Variants in ARID4A observed in about 807,000 individuals in gnomAD.
The protein encoded by ARID4A is AT-rich interactive domain-containing protein 4A.
Under a neutral mutation model 148.6 loss-of-function variants are expected in ARID4A, and 39 were observed. The observed-to-expected ratio is 0.26, with a 90% CI of 0.20 to 0.34. The LOEUF is 0.34. ARID4A is among the 10% of genes least tolerant of loss of function. The pLI, the probability that ARID4A is intolerant of heterozygous loss-of-function variation, is 1.00. For synonymous variants in ARID4A, 475 were observed against 481.2 expected, an observed-to-expected ratio of 0.99 and a Z score of 0.17; for missense variants, 1,265 against 1,449.1, an observed-to-expected ratio of 0.87 and a Z score of 2.06.
In ARID4A at chr14:58,349,367, C is replaced by T. The variant is rs958707105; in HGVS notation, c.1404+1489C>T. 5.9e-5 allele frequency among the ~76,000 whole-genome samples: 9 copies of T among 152,072 alleles called. No homozygotes were observed. The South Asian group carries it at 1.9e-3, about 32-fold the overall frequency. ...TTTTTTACTATTTTAAAAAGTGCTG[C>T]CGGGCGCGGTGGCTCATGCCTGTAA... On this transcript the variant is annotated intron_variant, in intron 15 of 23. Transcript: ENST00000355431.
chr14:58,334,589 C>T (rs1272400058), intron 11 of ARID4A, among the ~76,000 whole-genome samples: 1 of 152,150 alleles, frequency 6.6e-6, no homozygotes, highest in African/African-American at 2.4e-5. Context: ...AACCAATAAT[C>T]CTATACCCAC....
intron 23 of ARID4A, among the ~76,000 whole-genome samples, chr14:58,369,614 CAAAA>C (rs34289804): frequency 9.4e-6 from 1 of 106,928 alleles, no homozygotes; most frequent in Non-Finnish European, 1.8e-5. Flanking sequence ...GAGTCTGTCT[CAAAA>C]AAAAAAAAAA....
intron 7 of ARID4A, among the ~76,000 whole-genome samples, chr14:58,322,972 AAAAAAAAAAT>A (rs1255122978): frequency 3.5e-5 from 5 of 143,316 alleles, no homozygotes; most frequent in Non-Finnish European, 7.6e-5. Context: ...CCAAAAAAAA[AAAAAAAAAAT>A]ATATATATAT....
intron 23 of ARID4A, among the ~76,000 whole-genome samples, chr14:58,370,390 G>A (rs1454694421): frequency 1.3e-5 from 2 of 152,066 alleles, no homozygotes; most frequent in Non-Finnish European, 2.9e-5. Flanking sequence ...TCCGCCTCCC[G>A]GGTTCAAGCC....
Position 58,365,011 on chromosome 14 carries a change from C to T in ARID4A, c.2922C>T (p.Ser974=). ...ATTTGGATGAAAAGGATAAGACCAG[C>T]ATTGAGGATGTAGCAGTTGAAAGCT... The part of the protein sequence containing the change: ...LDDLDEKDKT[S]IEDVAVESSE... The change falls in exon 20 of 24, where the codon AGC becomes AGT. Residue 974 remains serine, a synonymous_variant. Transcript: ENST00000355431. The T allele has an allele frequency of 6.2e-7, 1 of 1,614,122 alleles. No individual in the cohort carries two copies. The highest frequency in any genetic ancestry group is 8.5e-7 in the Non-Finnish European group (1 of 1,180,008).
intron 1 of ARID4A, among the ~76,000 whole-genome samples, chr14:58,299,172 C>T (rs1459886340): frequency 2.0e-5 from 3 of 152,158 alleles, no homozygotes; most frequent in Non-Finnish European, 4.4e-5. Flanking sequence ...CCTGTCCGGG[C>T]CACCTCCCCT....
chr14:58,331,986 A>G (rs976260999), intron 11 of ARID4A, among the ~76,000 whole-genome samples: 4 of 113,904 alleles, frequency 3.5e-5, no homozygotes, highest in African/African-American at 1.3e-4. Flanking sequence ...TCCAGAATGC[A>G]TTTTCCCTAC....
At chr14:58,355,425 T>C (rs2034827582) in intron 17 of ARID4A, among the ~76,000 whole-genome samples, 1 of 152,226 alleles carries the variant, frequency 6.6e-6, no homozygotes, top group Non-Finnish European at 1.5e-5. Context: ...CAATAAAGTT[T>C]AATGTATAAA....
intron 8 of ARID4A, 81 bp from the exon 9 acceptor site, chr14:58,328,156 A>G (rs1768389734): frequency 1.9e-5 from 18 of 968,214 alleles, no homozygotes; most frequent in Middle Eastern, 2.3e-4. Flanking sequence ...AAGTTAGGGG[A>G]TCCAGAATTG....
intron 14 of ARID4A, 128 bp from the exon 15 acceptor site, chr14:58,347,519 C>A: frequency 3.0e-6 from 2 of 656,350 alleles, no homozygotes; most frequent in East Asian, 3.0e-5. Context: ...AAAATAGTAA[C>A]ACAGAAAAGA....
At chr14:58,347,906 G>A in intron 15 of ARID4A, 28 bp downstream of exon 15, 1 of 1,486,676 alleles carries the variant, frequency 6.7e-7, no homozygotes, top group Non-Finnish European at 9.1e-7. Context: ...GTTTTATCTG[G>A]TTTAAGTATT....
intron 11 of ARID4A, among the ~76,000 whole-genome samples, chr14:58,336,697 T>C (rs772751807): frequency 8.5e-5 from 13 of 152,146 alleles, no homozygotes; most frequent in Non-Finnish European, 1.5e-4. Flanking sequence ...AGTTTATTCA[T>C]GGAGACTTGG....
intron 13 of ARID4A, among the ~76,000 whole-genome samples, 189 bp from the exon 14 acceptor site, chr14:58,346,831 G>A (rs1397660390): frequency 3.4e-5 from 5 of 148,894 alleles, no homozygotes; most frequent in African/African-American, 1.2e-4. Context: ...GGGAAGCTGA[G>A]GTGGGAGGAT....
chr14:58,317,345 T>C (rs999759590), intron 5 of ARID4A, among the ~76,000 whole-genome samples: 1 of 147,234 alleles, frequency 6.8e-6, no homozygotes, highest in Non-Finnish European at 1.5e-5. Context: ...AGTGCAGTGG[T>C]GCAATCTCGG....
chr14:58,326,831 A>C (rs1488167117), intron 8 of ARID4A, among the ~76,000 whole-genome samples: 2 of 152,158 alleles, frequency 1.3e-5, no homozygotes, highest in East Asian at 3.8e-4. Context: ...GGTTAGGTGA[A>C]ATCTTCCTCC....
chr14:58,353,360 T>G (rs576473092), intron 16 of ARID4A: 14 of 224,362 alleles, frequency 6.2e-5, no homozygotes, highest in African/African-American at 2.9e-4. Flanking sequence ...TCAGAGCATA[T>G]TTTTCTTATT....
chr14:58,308,292 A>G (rs944453354), intron 5 of ARID4A, among the ~76,000 whole-genome samples: 2 of 152,226 alleles, frequency 1.3e-5, no homozygotes, highest in Non-Finnish European at 2.9e-5. Flanking sequence ...TGGACATAAG[A>G]ATCACTTGGT....
intron 17 of ARID4A, among the ~76,000 whole-genome samples, chr14:58,354,415 GC>G (rs1327655456): frequency 1.3e-5 from 2 of 152,186 alleles, no homozygotes; most frequent in Non-Finnish European, 2.9e-5. Flanking sequence ...GGGCATGGGG[GC>G]TCTTGCATGT....
At chr14:58,320,958 C>G (rs565866809) in intron 7 of ARID4A, among the ~76,000 whole-genome samples, 1 of 152,112 alleles carries the variant, frequency 6.6e-6, no homozygotes. Flanking sequence ...GTAACCTGTT[C>G]CCTAATATGT....
Sources: allele counts gnomAD v4.1 joint callset (sites outside exome capture counted in the v4.1 genomes callset), GRCh38; gene constraint gnomAD v4.1.1; transcripts MANE v1.5; gene names NCBI Gene and HGNC (gene_info 2026-07-23, HGNC 2026-07-21).